Variants in DBF4 observed in about 807,000 individuals in gnomAD.
DBF4 encodes DBF4-CDC7 kinase regulatory subunit.
In DBF4, 25 loss-of-function variants were observed where a neutral mutation model predicts 76.6. The observed-to-expected ratio is 0.33, with a 90% CI of 0.24 to 0.46. The LOEUF (loss-of-function observed/expected upper bound fraction) is 0.46. Ranked by LOEUF, DBF4 falls within the 20% of genes least tolerant of loss-of-function variation. DBF4 has a pLI of 1.00. For missense variants in DBF4, 638 were observed against 760.8 expected (o/e 0.84, Z 1.90); for synonymous variants, 213 against 258.0 (o/e 0.83, Z 1.67).
chr7:87,878,765 G>A (rs1375721348), intron 2 of DBF4, among the ~76,000 whole-genome samples: 2 of 152,106 alleles, frequency 1.3e-5, no homozygotes, highest in East Asian at 3.8e-4. Context: ...GAAAACTCAG[G>A]CAAAATTCTA....
chr7:87,904,525 A>C, intron 11 of DBF4, 109 bp downstream of exon 11: 1 of 1,322,778 alleles, frequency 7.6e-7, no homozygotes, highest in South Asian at 1.3e-5. Flanking sequence ...GGATCACTTG[A>C]GGTCAGGAGT....
At chr7:87,893,287 G>T (rs573162230) in intron 6 of DBF4, among the ~76,000 whole-genome samples, 128 of 144,074 alleles carry the variant, frequency 8.9e-4, no homozygotes, top group African/African-American at 3.2e-3. Context: ...CGCCCAGGCC[G>T]GACTGTGGAC....
chr7:87,906,849 C>A (rs1839925678), intron 11 of DBF4, among the ~76,000 whole-genome samples: 1 of 152,026 alleles, frequency 6.6e-6, no homozygotes, highest in South Asian at 2.1e-4. Context: ...TAGGGGCAGG[C>A]TCAAATCCCT....
intron 7 of DBF4, 108 bp from the exon 8 acceptor site, chr7:87,897,186 A>T (rs999675865): frequency 1.6e-5 from 16 of 1,006,994 alleles, no homozygotes; most frequent in Middle Eastern, 2.2e-4. Flanking sequence ...TTTAAAGTGG[A>T]TACATAGTTT....
Position 87,886,846 on chromosome 7 carries a change from G to A in DBF4, c.402G>A (p.Val134=), listed in dbSNP as rs541949250. The part of the protein sequence containing the change: ...DGSSFKSPDT[V]CLSRGKLLVE... ...AAATTTTTCTGGTCTTTTTATAGGTGTGTTTAAGCAGAGGAAAATTATTAG... is the reference window on the plus strand; with the variant it reads ...AAATTTTTCTGGTCTTTTTATAGGTATGTTTAAGCAGAGGAAAATTATTAG... The change falls in exon 4 of 12, where the codon GTG becomes GTA. Residue 134 remains valine (V), a splice_region_variant and synonymous_variant. Transcript: ENST00000265728. 1.2e-4 allele frequency: 186 copies of A among 1,558,848 alleles called. 1 individual carries two copies. The South Asian group carries it at 2.0e-3, about 17-fold the overall frequency.
chr7:87,881,826 T>C (rs1226962532), intron 2 of DBF4, among the ~76,000 whole-genome samples: 1 of 152,226 alleles, frequency 6.6e-6, no homozygotes, highest in Non-Finnish European at 1.5e-5. Context: ...GAGATAGGAA[T>C]GATTAACTCT....
Position 87,892,238 on chromosome 7 carries a change from C to T in DBF4, c.597+4179C>T, listed in dbSNP as rs539981622. Among the ~76,000 whole-genome samples the T allele has an allele frequency of 5.9e-5, 9 of 152,276 alleles. No individual in the cohort carries two copies. The East Asian group carries it at 7.7e-4, about 13-fold the overall frequency. On this transcript the variant is annotated intron_variant, in intron 6 of 11. Transcript: ENST00000265728. The stretch of plus-strand genomic sequence containing the variant: ...TGGTTCCACTGCCCTAAAAATCTTC[C>T]GTGTTTATCCCCCCATTCCCTTAAA...
chr7:87,891,533 C>T (rs955568616), intron 6 of DBF4, among the ~76,000 whole-genome samples: 11 of 152,066 alleles, frequency 7.2e-5, no homozygotes, highest in Admixed American at 5.9e-4. Context: ...AGGAATTTGT[C>T]CATTGTGTCT....
At chr7:87,878,021 G>T in intron 1 of DBF4, 32 bp from the exon 2 acceptor site, 1 of 1,498,784 alleles carries the variant, frequency 6.7e-7, no homozygotes, top group Non-Finnish European at 9.1e-7. Flanking sequence ...AAGTGTCTGT[G>T]TAAAACATCT....
rs772092931 is a variant in DBF4, at chr7:87,887,440, G to A, written c.520+42G>A. On this transcript the variant is annotated intron_variant, in intron 5 of 11. Transcript: ENST00000265728. The stretch of plus-strand genomic sequence containing the variant: ...TGTTTTTTGACAGTATTTGTTTTAA[G>A]TGTCCATGTCTGTCCTTTGGTTCCT... The A allele has an allele frequency of 2.3e-5, 35 of 1,519,594 alleles. 1 individual carries two copies. The East Asian group carries it at 8.3e-4, about 36-fold the overall frequency. 94.1% of individuals were successfully genotyped at this position (1,519,594 alleles called of 1,614,324 possible). A position where few individuals can be genotyped will look rare whatever the true frequency, so the allele number is the denominator to read the frequency against.
chr7:87,890,422 C>T (rs924755077), intron 6 of DBF4, among the ~76,000 whole-genome samples: 1 of 152,142 alleles, frequency 6.6e-6, no homozygotes, highest in Non-Finnish European at 1.5e-5. Flanking sequence ...ATCCCAGCTA[C>T]TTGGAAGGCT....
At chr7:87,894,581 T>G (rs959985714) in intron 6 of DBF4, among the ~76,000 whole-genome samples, 4 of 152,250 alleles carry the variant, frequency 2.6e-5, no homozygotes, top group South Asian at 2.1e-4. Context: ...GATATATCCC[T>G]TTAGCCTGAA....
chr7:87,889,120 A>G (rs117885103), intron 6 of DBF4, among the ~76,000 whole-genome samples: 3,334 of 152,294 alleles, frequency 0.022, 57 homozygotes, highest in Middle Eastern at 0.051. Context: ...TGCCCTATAT[A>G]AAGGAGTTAG....
In DBF4 at chr7:87,876,745, G is replaced by T. The variant is rs150578066; in HGVS notation, c.13G>T (p.Ala5Ser). The change falls in exon 1 of 12, where the codon GCC becomes TCC. Residue 5 changes from alanine (A) to serine (S), a missense_variant. Physicochemically the swap from Ala to Ser is moderately conservative, Grantham distance 99 (BLOSUM62 1). Coordinates refer to ENST00000265728, the MANE Select transcript of DBF4 (RefSeq NM_006716.4). The stretch of plus-strand genomic sequence containing the variant: ...CCGGGCGACTGCCATGAACTCCGGA[G>T]CCATGAGGATCCACAGTAAAGGACA... MNSG[A>S]MRIHSKGHFQ... 221 of 1,614,160 alleles carry T rather than the reference G, an allele frequency of 1.4e-4. No homozygotes were observed. The highest frequency in any genetic ancestry group is 1.8e-4 in the Non-Finnish European group (210 of 1,180,020).
At chr7:87,893,069 A>G (rs1192936363) in intron 6 of DBF4, among the ~76,000 whole-genome samples, 3 of 152,118 alleles carry the variant, frequency 2.0e-5, no homozygotes, top group African/African-American at 7.2e-5. Flanking sequence ...TGTTTTCTGT[A>G]TCCAGGATAT....
intron 2 of DBF4, 112 bp from the exon 3 acceptor site, chr7:87,884,867 G>A: frequency 1.3e-6 from 1 of 751,840 alleles, no homozygotes; most frequent in Non-Finnish European, 2.1e-6. Context: ...AGAACAGGGG[G>A]TTGAGGCTGC....
chr7:87,887,854 C>G, intron 5 of DBF4, 129 bp from the exon 6 acceptor site: 1 of 917,490 alleles, frequency 1.1e-6, no homozygotes, highest in Non-Finnish European at 1.5e-6. Flanking sequence ...AGGAGACAAA[C>G]ATTCAGACCA....
chr7:87,879,751 A>G (rs1839165083), intron 2 of DBF4, among the ~76,000 whole-genome samples: 1 of 152,154 alleles, frequency 6.6e-6, no homozygotes, highest in Non-Finnish European at 1.5e-5. Context: ...CAGGAGTTCA[A>G]GACCAGCCTG....
chr7:87,885,730 C>T lies in DBF4; in HGVS notation c.399+572C>T, dbSNP rs114164156. ...TGTTTTAGGCAGAATTGAATAGTTGCTGTAGAGACCATATGGCCAACAAAG... is the reference window on the plus strand; with the variant it reads ...TGTTTTAGGCAGAATTGAATAGTTGTTGTAGAGACCATATGGCCAACAAAG... On this transcript the variant is annotated intron_variant, in intron 3 of 11. Transcript: ENST00000265728. Among the ~76,000 whole-genome samples the T allele has an allele frequency of 2.4e-3, 363 of 152,324 alleles. 1 individual carries two copies. Among genetic ancestry groups the T allele is most frequent in the African/African-American group, 8.2e-3 (339 of 41,562 alleles).
Sources: allele counts gnomAD v4.1 joint callset (sites outside exome capture counted in the v4.1 genomes callset), GRCh38; gene constraint gnomAD v4.1.1; transcripts MANE v1.5; gene names NCBI Gene and HGNC (gene_info 2026-07-23, HGNC 2026-07-21).